Variants in SLC7A9 observed in about 807,000 individuals in gnomAD.
The protein encoded by SLC7A9 is solute carrier family 7 member 9, also known as B(0,+)-type amino acid transporter 1.
In SLC7A9, 38 loss-of-function variants were observed where a neutral mutation model predicts 54.1. That is an observed-to-expected ratio of 0.70 (90% CI 0.54 to 0.92). The LOEUF (loss-of-function observed/expected upper bound fraction) is 0.92, where lower values mean the gene tolerates loss of function less well. Ranked by LOEUF, SLC7A9 falls within the 40% of genes least tolerant of loss-of-function variation. The pLI, the probability that SLC7A9 is intolerant of heterozygous loss-of-function variation, is 0.00. For synonymous variants in SLC7A9, 264 were observed against 258.9 expected (o/e 1.02, Z -0.19); for missense variants, 537 against 636.1 (o/e 0.84, Z 1.68).
intron 6 of SLC7A9, among the ~76,000 whole-genome samples, chr19:32,861,595 T>C (rs1416921358): frequency 6.6e-6 from 1 of 151,988 alleles, no homozygotes; most frequent in Non-Finnish European, 1.5e-5. Flanking sequence ...GAGAATTGCT[T>C]GAGTGTAGGA....
At chr19:32,840,137 CT>C (rs1164198490) in intron 11 of SLC7A9, among the ~76,000 whole-genome samples, 5 of 152,034 alleles carry the variant, frequency 3.3e-5, no homozygotes, top group African/African-American at 1.2e-4. Context: ...TTTTGGCCTT[CT>C]GTTTCCTAGC....
chr19:32,844,857 C>CA (rs386388892), intron 9 of SLC7A9, among the ~76,000 whole-genome samples: 2,715 of 30,280 alleles, frequency 0.09, 883 homozygotes, highest in African/African-American at 0.11. Flanking sequence ...GAATCCATCT[C>CA]AAAAAAAAAA....
rs146359100 is a variant in SLC7A9 at position 32,868,490 on chromosome 19, C to T, written c.45G>A (p.Ser15=). ...TGGTCTTAGGCTCTTGGCTCTGGAT[C>T]GACTTCTCATCCTCTCTCCGCTTTC... ...GLRKRREDEK[S]IQSQEPKTTS... Residue 15 remains serine, a synonymous_variant, in exon 2 of 13, where the codon TCG becomes TCA. Coordinates refer to ENST00000023064, the MANE Select transcript of SLC7A9 (RefSeq NM_014270.5). The T allele has an allele frequency of 3.7e-5, 59 of 1,614,124 alleles. No individual in the cohort carries two copies. In the Admixed American group the frequency reaches 4.3e-4, roughly 12 times the overall value.
chr19:32,862,791 C>A, intron 4 of SLC7A9: 1 of 383,022 alleles, frequency 2.6e-6, no homozygotes, highest in Non-Finnish European at 4.5e-6. Flanking sequence ...CCTGCCTCAG[C>A]CTCCTGAGTA....
intron 9 of SLC7A9, among the ~76,000 whole-genome samples, chr19:32,849,884 A>G (rs1968418861): frequency 1.3e-5 from 2 of 152,012 alleles, no homozygotes; most frequent in African/African-American, 4.8e-5. Context: ...AACATTCGCA[A>G]ATCAATAAAT....
intron 8 of SLC7A9, among the ~76,000 whole-genome samples, chr19:32,859,556 A>G (rs1400140967): frequency 5.9e-5 from 9 of 152,048 alleles, no homozygotes; most frequent in Non-Finnish European, 1.2e-4. Context: ...AGTAATTGCC[A>G]GTTTTGCCAA....
chr19:32,864,070 C>T (rs1968885746), intron 4 of SLC7A9, 26 bp downstream of exon 4: 1 of 1,613,460 alleles, frequency 6.2e-7, no homozygotes, highest in Admixed American at 1.7e-5. Flanking sequence ...TCTTTTCTGA[C>T]CCCTGCCCTG....
intron 11 of SLC7A9, among the ~76,000 whole-genome samples, chr19:32,834,300 C>CT (rs1967892101): frequency 6.6e-6 from 1 of 152,142 alleles, no homozygotes; most frequent in African/African-American, 2.4e-5. Context: ...CTCCAGAGAG[C>CT]TTTGTTTCCT....
chr19:32,842,355 C>T (rs1396559284), intron 10 of SLC7A9, 38 bp from the exon 11 acceptor site: 6 of 1,586,654 alleles, frequency 3.8e-6, no homozygotes, highest in Non-Finnish European at 3.5e-6. Context: ...GTCATTACTA[C>T]AAAACACTGT....
intron 12 of SLC7A9, among the ~76,000 whole-genome samples, chr19:32,832,244 G>A (rs1398081071): frequency 6.6e-6 from 1 of 151,690 alleles, no homozygotes; most frequent in Non-Finnish European, 1.5e-5. Context: ...AGCCGAGATC[G>A]TGCCAGTGCA....
chr19:32,862,423 G>T (rs1968827039), intron 5 of SLC7A9, 38 bp downstream of exon 5: 1 of 1,611,656 alleles, frequency 6.2e-7, no homozygotes, highest in Non-Finnish European at 8.5e-7. Flanking sequence ...AGGGCGTTTG[G>T]TGTGTGCCCG....
intron 4 of SLC7A9, 41 bp downstream of exon 4, chr19:32,864,055 C>G (rs779164934): frequency 1.9e-5 from 30 of 1,612,734 alleles, no homozygotes; most frequent in Non-Finnish European, 2.5e-5. Flanking sequence ...ACCCTCTGTG[C>G]CAGGTCTTTT....
At chr19:32,863,255 G>A (rs1968859378) in intron 4 of SLC7A9, among the ~76,000 whole-genome samples, 1 of 152,184 alleles carries the variant, frequency 6.6e-6, no homozygotes, top group Admixed American at 6.5e-5. Context: ...GGGATTACAG[G>A]CATGCACTAC....
chr19:32,840,653 C>T (rs947427582), intron 11 of SLC7A9, among the ~76,000 whole-genome samples: 1 of 152,148 alleles, frequency 6.6e-6, no homozygotes, highest in Non-Finnish European at 1.5e-5. Context: ...CTTTCTCTCC[C>T]AGCAGTTGTT....
intron 6 of SLC7A9, among the ~76,000 whole-genome samples, chr19:32,860,873 C>T (rs1012022005): frequency 6.6e-6 from 1 of 152,212 alleles, no homozygotes; most frequent in African/African-American, 2.4e-5. Context: ...AGCCTTTGCC[C>T]TCCTCGGGAA....
intron 7 of SLC7A9, 154 bp from the exon 8 acceptor site, chr19:32,860,118 TCA>T (rs1267884635): frequency 7.8e-6 from 12 of 1,548,160 alleles, no homozygotes; most frequent in Admixed American, 3.9e-5. Flanking sequence ...GCTGCCTCTC[TCA>T]GACTCCAGAG....
At chr19:32,835,123 G>A (rs887423100) in intron 11 of SLC7A9, among the ~76,000 whole-genome samples, 1 of 152,138 alleles carries the variant, frequency 6.6e-6, no homozygotes, top group African/African-American at 2.4e-5. Context: ...TGGATTTTCG[G>A]TCTTCAGCTA....
Position 32,859,857 on chromosome 19 carries a change from G to A in SLC7A9, c.857C>T (p.Ser286Phe), listed in dbSNP as rs755135545. The change falls in exon 8 of 13, where the codon TCC (serine) becomes TTC (phenylalanine). Residue 286 changes from serine (S) to phenylalanine (F), a missense_variant. Coordinates refer to ENST00000023064, the MANE Select transcript of SLC7A9 (RefSeq NM_014270.5). ...GGCACTCACCACAGCCACCGCCTGG[G>A]ACTGCAGGAGTTCGGTGGCAGTCAT... ...TVMTATELLQ[S>F]QAVAVTFGDR... 9 of 1,614,050 alleles carry A rather than the reference G, an allele frequency of 5.6e-6. No homozygotes were observed. The highest frequency in any genetic ancestry group is 1.7e-4 in the Middle Eastern group (1 of 6,058).
At chr19:32,834,475 C>T (rs893194372) in intron 11 of SLC7A9, among the ~76,000 whole-genome samples, 6 of 151,978 alleles carry the variant, frequency 3.9e-5, no homozygotes, top group African/African-American at 9.7e-5. Context: ...ACTAAAAATA[C>T]AAAAATTAGC....
Sources: allele counts gnomAD v4.1 joint callset (sites outside exome capture counted in the v4.1 genomes callset), GRCh38; gene constraint gnomAD v4.1.1; transcripts MANE v1.5; gene names NCBI Gene and HGNC (gene_info 2026-07-23, HGNC 2026-07-21).